Variants in PLA2G4E observed in about 807,000 individuals in gnomAD.
The protein encoded by PLA2G4E is phospholipase A2 group IVE.
In PLA2G4E, 84 loss-of-function variants were observed where a neutral mutation model predicts 109.1. That is an observed-to-expected ratio of 0.77 (90% CI 0.65 to 0.92). PLA2G4E has a LOEUF of 0.92. Among genes scored for constraint, PLA2G4E ranks in the 40% least tolerant of loss-of-function variants. The probability of loss-of-function intolerance (pLI) is 0.00; values close to 1 mark genes in which losing one functional copy is unlikely to be tolerated. For missense variants in PLA2G4E, 1,057 were observed against 1,076.6 expected (o/e 0.98, Z 0.25); for synonymous variants, 469 against 436.1 (o/e 1.08, Z -0.94).
chr15:42,048,615 A>G (rs1889456754), intron 1 of PLA2G4E, among the ~76,000 whole-genome samples: 1 of 152,126 alleles, frequency 6.6e-6, no homozygotes, highest in Non-Finnish European at 1.5e-5. Context: ...CGGAGGGGAG[A>G]AATCACGGTA....
At chr15:41,991,272 A>G (rs569950674) in intron 13 of PLA2G4E, among the ~76,000 whole-genome samples, 3 of 152,140 alleles carry the variant, frequency 2.0e-5, no homozygotes, top group Non-Finnish European at 4.4e-5. Flanking sequence ...AAACCCCCAG[A>G]ATGCTGAGAC....
At chr15:42,032,836 A>T (rs1889138147) in intron 1 of PLA2G4E, among the ~76,000 whole-genome samples, 1 of 152,220 alleles carries the variant, frequency 6.6e-6, no homozygotes, top group Admixed American at 6.5e-5. Context: ...AGCTTTAAGT[A>T]ACTAAAAATA....
At chr15:42,047,416 G>A (rs538280020) in intron 1 of PLA2G4E, among the ~76,000 whole-genome samples, 1 of 152,088 alleles carries the variant, frequency 6.6e-6, no homozygotes, top group African/African-American at 2.4e-5. Flanking sequence ...ACAGGGTGCA[G>A]AACTCACTTT....
intron 1 of PLA2G4E, among the ~76,000 whole-genome samples, chr15:42,043,564 C>CAA (rs58079481): frequency 9.6e-4 from 91 of 95,234 alleles, no homozygotes; most frequent in East Asian, 1.2e-3. Flanking sequence ...ATGGAGGATA[C>CAA]AAAAAAAAAA....
intron 1 of PLA2G4E, among the ~76,000 whole-genome samples, chr15:42,038,777 T>C (rs1017837541): frequency 6.6e-6 from 1 of 152,240 alleles, no homozygotes. Flanking sequence ...GTCATGTTTC[T>C]TTAGTGTCTA....
chr15:41,999,714 C>T (rs1306599063), intron 9 of PLA2G4E, among the ~76,000 whole-genome samples, 153 bp from the exon 10 acceptor site: 1 of 152,156 alleles, frequency 6.6e-6, no homozygotes, highest in African/African-American at 2.4e-5. Flanking sequence ...ATCTCCCCAC[C>T]ATCTTCAACT....
intron 5 of PLA2G4E, among the ~76,000 whole-genome samples, chr15:42,003,702 T>C (rs1374869413): frequency 6.6e-6 from 1 of 152,230 alleles, no homozygotes; most frequent in African/African-American, 2.4e-5. Context: ...AAGTGGCAGT[T>C]GACGAGCCCT....
chr15:42,044,997 A>T (rs1889388689), intron 1 of PLA2G4E, among the ~76,000 whole-genome samples: 1 of 151,836 alleles, frequency 6.6e-6, no homozygotes, highest in Non-Finnish European at 1.5e-5. Context: ...TAGATTAGAT[A>T]TGAGGGCATC....
At chr15:41,989,434 A>G (rs1327078946) in exon 15 of PLA2G4E, 9 of 1,613,862 alleles carry the variant, frequency 5.6e-6, no homozygotes, top group Non-Finnish European at 6.8e-6. Context: ...AGCAGATTCG[A>G]GACTCCGGGA....
chr15:42,029,030 C>T (rs1391860996), intron 1 of PLA2G4E, among the ~76,000 whole-genome samples: 8 of 152,178 alleles, frequency 5.3e-5, no homozygotes, highest in Non-Finnish European at 1.5e-5. Context: ...GTATCTGGCT[C>T]ATGAATATTT....
chr15:41,983,630 G>T, exon 20 of PLA2G4E: 1 of 869,972 alleles, frequency 1.1e-6, no homozygotes, highest in Non-Finnish European at 1.7e-6. Context: ...AGAAAGCCCA[G>T]GCCAACCTGC....
At chr15:42,005,866 C>A in intron 4 of PLA2G4E, 124 bp downstream of exon 4, 2 of 1,199,040 alleles carry the variant, frequency 1.7e-6, no homozygotes, top group East Asian at 2.5e-5. Flanking sequence ...AAACCAGCAG[C>A]ACCATCTTTT....
exon 17 of PLA2G4E, chr15:41,987,173 T>C: frequency 1.9e-6 from 3 of 1,612,966 alleles, no homozygotes; most frequent in Non-Finnish European, 2.5e-6. Context: ...TAGGGTTACC[T>C]TTCCACCTAG....
intron 11 of PLA2G4E, 77 bp from the exon 12 acceptor site, chr15:41,995,573 C>G: frequency 6.4e-7 from 1 of 1,571,716 alleles, no homozygotes; most frequent in Non-Finnish European, 8.7e-7. Flanking sequence ...ATGACGGCAA[C>G]TTTGAAAGAA....
chr15:41,990,022 G>A (rs2068215718), intron 14 of PLA2G4E, 99 bp downstream of exon 14: 1 of 889,274 alleles, frequency 1.1e-6, no homozygotes, highest in East Asian at 2.4e-5. Flanking sequence ...GGTTGACAAA[G>A]ATGAGTGGGA....
chr15:42,000,228 C>T (rs1317773344), exon 8 of PLA2G4E: 24 of 1,584,300 alleles, frequency 1.5e-5, no homozygotes, highest in East Asian at 1.4e-4. Context: ...CAAGCAGGGC[C>T]GGACACGCTG....
chr15:42,044,622 TG>T (rs11299956), intron 1 of PLA2G4E, among the ~76,000 whole-genome samples: 9,202 of 82,254 alleles, frequency 0.11, 345 homozygotes, highest in South Asian at 0.17. Flanking sequence ...CATCACACAC[TG>T]GGGCCTGTTG....
At chr15:41,984,041 C>A in intron 19 of PLA2G4E, 67 bp from the exon 20 acceptor site, 2 of 1,453,368 alleles carry the variant, frequency 1.4e-6, no homozygotes, top group Non-Finnish European at 1.9e-6. Flanking sequence ...GTTTCCACAT[C>A]TCTCCCCAAG....
chr15:42,039,898 A>AT (rs1889283535), intron 1 of PLA2G4E, among the ~76,000 whole-genome samples: 1 of 152,238 alleles, frequency 6.6e-6, no homozygotes, highest in African/African-American at 2.4e-5. Flanking sequence ...AACCAATTAA[A>AT]TTTCCAACCA....
Sources: allele counts gnomAD v4.1 joint callset (sites outside exome capture counted in the v4.1 genomes callset), GRCh38; gene constraint gnomAD v4.1.1; transcripts MANE v1.5; gene names NCBI Gene and HGNC (gene_info 2026-07-23, HGNC 2026-07-21).